SUGCT: variants seen among roughly 807,000 people sequenced by gnomAD.
SUGCT encodes succinyl-CoA:glutarate CoA-transferase.
SUGCT carries 41 observed loss-of-function variants against 55.0 expected under a neutral mutation model. That is an observed-to-expected ratio of 0.74 (90% CI 0.58 to 0.97). SUGCT has a LOEUF of 0.97. Among genes scored for constraint, SUGCT ranks in the 50% least tolerant of loss-of-function variants. The pLI, the probability that SUGCT is intolerant of heterozygous loss-of-function variation, is 0.00. For synonymous variants in SUGCT, 187 were observed against 200.4 expected, an observed-to-expected ratio of 0.93 and a Z score of 0.56; for missense variants, 568 against 547.8, an observed-to-expected ratio of 1.04 and a Z score of -0.37.
chr7:40,175,141 TTTC>T (rs1486952110), intron 1 of SUGCT, among the ~76,000 whole-genome samples: 2 of 152,174 alleles, frequency 1.3e-5, no homozygotes, highest in Non-Finnish European at 2.9e-5. Flanking sequence ...CTTAAAAACC[TTTC>T]TTCTTTATTT....
intron 13 of SUGCT, among the ~76,000 whole-genome samples, chr7:40,792,858 AGTT>A (rs1790381052): frequency 6.6e-6 from 1 of 152,078 alleles, no homozygotes; most frequent in South Asian, 2.1e-4. Flanking sequence ...CCCTTAGACA[AGTT>A]GTTCCCAAAT....
chr7:41,036,287 G>T, the SUGCT span, among the ~76,000 whole-genome samples: 1 of 152,148 alleles, frequency 6.6e-6, no homozygotes, highest in East Asian at 1.9e-4. Flanking sequence ...CACCTTTCGA[G>T]AAAATTTTCA....
At chr7:40,367,061 T>C (rs947606931) in intron 9 of SUGCT, among the ~76,000 whole-genome samples, 7 of 152,054 alleles carry the variant, frequency 4.6e-5, no homozygotes, top group African/African-American at 1.7e-4. Flanking sequence ...GTGGCACATA[T>C]ACACCATGGA....
chr7:40,287,362 G>T (rs919089958), intron 8 of SUGCT, among the ~76,000 whole-genome samples: 2 of 151,738 alleles, frequency 1.3e-5, no homozygotes, highest in African/African-American at 4.8e-5. Flanking sequence ...TTGCCTAATT[G>T]CCCTGGACAG....
At position 40,355,096 on chromosome 7, in the gene SUGCT, G is replaced by C. The variant is rs573171148; in HGVS notation, c.816+38241G>C. ...ATTTGCAGGGTGACCAGATGAACTG[G>C]GAAGGACTCTAATCTCTAGGCCACC... On this transcript the variant is annotated intron_variant, in intron 9 of 13. Coordinates refer to ENST00000335693, the MANE Select transcript of SUGCT (RefSeq NM_001193313.2). Among the ~76,000 whole-genome samples the C allele has an allele frequency of 1.3e-3, 192 of 152,248 alleles. 2 individuals carry two copies. Among genetic ancestry groups the C allele is most frequent in the African/African-American group, 4.4e-3 (181 of 41,550 alleles).
intron 12 of SUGCT, among the ~76,000 whole-genome samples, chr7:40,743,900 T>A (rs1418874739): frequency 1.3e-5 from 2 of 152,116 alleles, no homozygotes; most frequent in African/African-American, 2.4e-5. Context: ...ATTCTTTTTT[T>A]AAATTTTCTA....
downstream of SUGCT, among the ~76,000 whole-genome samples, chr7:40,865,268 T>C (rs1269685073): frequency 6.6e-6 from 1 of 152,110 alleles, no homozygotes; most frequent in African/African-American, 2.4e-5. Flanking sequence ...AAAACCTGTG[T>C]CCGACCTTCA....
intron 12 of SUGCT, 89 bp downstream of exon 12, chr7:40,496,475 C>A: frequency 2.3e-6 from 2 of 875,104 alleles, no homozygotes; most frequent in South Asian, 1.4e-5. Context: ...AAGCTTAAGT[C>A]ACATGATGTG....
chr7:40,675,023 A>C (rs1783891851), intron 12 of SUGCT, among the ~76,000 whole-genome samples: 1 of 151,592 alleles, frequency 6.6e-6, no homozygotes, highest in South Asian at 2.1e-4. Context: ...TCCTCCTGTT[A>C]GATAATTATA....
At chr7:40,137,294 ATTTT>A (rs1327725858) in intron 1 of SUGCT, among the ~76,000 whole-genome samples, 1 of 151,812 alleles carries the variant, frequency 6.6e-6, no homozygotes, top group African/African-American at 2.4e-5. Flanking sequence ...TGCCTGGCTA[ATTTT>A]TTTATTTCTT....
Position 40,860,550 on chromosome 7 carries a change from C to G in SUGCT, c.*71C>G, listed in dbSNP as rs878910371. On this transcript the variant is annotated 3_prime_UTR_variant, in exon 14 of 14. Coordinates refer to ENST00000335693, the MANE Select transcript of SUGCT (RefSeq NM_001193313.2). ...GCAAAGGCAACACTTTGCTTGGACCCTTCTCCCCAGTTCTGATACCACTAA... is the reference window on the plus strand; with the variant it reads ...GCAAAGGCAACACTTTGCTTGGACCGTTCTCCCCAGTTCTGATACCACTAA... 31 of 1,504,648 alleles carry G rather than the reference C, an allele frequency of 2.1e-5. No individual in the cohort carries two copies. Among genetic ancestry groups the G allele is most frequent in the Non-Finnish European group, 2.8e-5 (31 of 1,116,486 alleles). 93.2% of individuals were successfully genotyped at this position (1,504,648 alleles called of 1,614,324 possible).
chr7:40,173,352 G>A (rs1161419996), intron 1 of SUGCT, among the ~76,000 whole-genome samples: 2 of 152,208 alleles, frequency 1.3e-5, no homozygotes, highest in Non-Finnish European at 2.9e-5. Flanking sequence ...GGAAGTCAGC[G>A]GCGGGTCTGC....
chr7:40,286,482 T>A (rs941964961), intron 8 of SUGCT, among the ~76,000 whole-genome samples: 5 of 152,192 alleles, frequency 3.3e-5, no homozygotes, highest in Non-Finnish European at 7.3e-5. Context: ...CCCCTTACCA[T>A]GTAAGGTGGC....
the SUGCT span, among the ~76,000 whole-genome samples, chr7:40,931,600 G>T: frequency 6.6e-6 from 1 of 152,094 alleles, no homozygotes; most frequent in Non-Finnish European, 1.5e-5. Flanking sequence ...CAATTTCACA[G>T]CCTGTTATTG....
chr7:40,798,408 T>C (rs2128749270), intron 13 of SUGCT, among the ~76,000 whole-genome samples: 1 of 152,330 alleles, frequency 6.6e-6, no homozygotes, highest in Non-Finnish European at 1.5e-5. Flanking sequence ...CTGTATAGAA[T>C]ACTTTTTAAA....
chr7:40,776,888 C>G (rs1789479991), intron 13 of SUGCT, among the ~76,000 whole-genome samples: 1 of 152,068 alleles, frequency 6.6e-6, no homozygotes, highest in African/African-American at 2.4e-5. Context: ...TTGGAGTCAG[C>G]AAGTAGGATG....
the SUGCT span, among the ~76,000 whole-genome samples, chr7:41,033,321 C>T: frequency 6.6e-6 from 1 of 152,192 alleles, no homozygotes; most frequent in African/African-American, 2.4e-5. Context: ...TACCTGCTCT[C>T]TTACCACCCT....
At position 40,643,430 on chromosome 7, in the gene SUGCT, C is replaced by T. The variant is rs537010906; in HGVS notation, c.1090-106004C>T. Among the ~76,000 whole-genome samples the T allele has an allele frequency of 6.6e-5, 10 of 152,192 alleles. No individual in the cohort carries two copies. The East Asian group carries it at 1.4e-3, about 21-fold the overall frequency. On this transcript the variant is annotated intron_variant, in intron 12 of 13. Coordinates refer to ENST00000335693, the MANE Select transcript of SUGCT (RefSeq NM_001193313.2). ...GTCTGGAAACTATAGTGTGAAGTGC[C>T]GGGTTCCTCTGAGTTGCTTTTGGAT...
chr7:40,257,312 C>G (rs920628715), intron 7 of SUGCT, among the ~76,000 whole-genome samples: 1 of 151,954 alleles, frequency 6.6e-6, no homozygotes, highest in Non-Finnish European at 1.5e-5. Flanking sequence ...TTGATATTGT[C>G]AATATCATTT....
Sources: allele counts gnomAD v4.1 joint callset (sites outside exome capture counted in the v4.1 genomes callset), GRCh38; gene constraint gnomAD v4.1.1; transcripts MANE v1.5; gene names NCBI Gene and HGNC (gene_info 2026-07-23, HGNC 2026-07-21).